The following LRRC3B variants were observed in gnomAD, a reference collection of about 807,000 sequenced individuals.
LRRC3B encodes the protein leucine rich repeat containing 3B, also known as leucine-rich repeat-containing protein 3B.
Under a neutral mutation model 12.8 loss-of-function variants are expected in LRRC3B, and 2 were observed. The observed-to-expected ratio is 0.16, with a 90% CI of 0.06 to 0.49. LRRC3B has a LOEUF of 0.49. Among genes scored for constraint, LRRC3B ranks in the 20% least tolerant of loss-of-function variants. The pLI is 0.96. For missense variants in LRRC3B, 189 were observed against 319.4 expected (o/e 0.59, Z 3.11); for synonymous variants, 132 against 122.0 (o/e 1.08, Z -0.54).
At chr3:26,678,366 T>G (rs1474905311) in intron 1 of LRRC3B, among the ~76,000 whole-genome samples, 1 of 152,046 alleles carries the variant, frequency 6.6e-6, no homozygotes, top group African/African-American at 2.4e-5. Flanking sequence ...TGGTGGCACA[T>G]GCCTGTAATC....
chr3:26,636,868 T>TC lies in LRRC3B; in HGVS notation c.-161+13633dup, dbSNP rs1559350125. On this transcript the variant is annotated intron_variant, in intron 1 of 1. Coordinates refer to ENST00000396641, the Ensembl canonical transcript of LRRC3B. Reference sequence around the variant, plus strand: ...TCCCTCCCTCCCTCCCTCCCTCCCTTCCTTCCTTCCTTCCTTCCTTTCTCT... The same window carrying TC: ...TCCCTCCCTCCCTCCCTCCCTCCCTTCCCTTCCTTCCTTCCTTCCTTTCTCT... 2.0e-3 allele frequency among the ~76,000 whole-genome samples: 132 copies of TC among 67,100 alleles called. 19 individuals are homozygous for TC. The highest frequency in any genetic ancestry group is 0.013 in the African/African-American group (124 of 9,236). 44.0% of individuals were successfully genotyped at this position (67,100 alleles called of 152,430 possible).
chr3:26,707,818 G>A (rs999312490), intron 1 of LRRC3B, among the ~76,000 whole-genome samples: 9 of 151,572 alleles, frequency 5.9e-5, no homozygotes, highest in African/African-American at 2.2e-4. Flanking sequence ...GAGTCCCCAA[G>A]TACCATGCAA....
chr3:26,636,232 C>T (rs964710405), intron 1 of LRRC3B, among the ~76,000 whole-genome samples: 2 of 150,568 alleles, frequency 1.3e-5, no homozygotes, highest in South Asian at 2.1e-4. Flanking sequence ...ATAAAGAAGT[C>T]CTTTAAAAAA....
chr3:26,623,570 CT>C (rs1049699418), intron 1 of LRRC3B: 2 of 152,798 alleles, frequency 1.3e-5, no homozygotes, highest in Non-Finnish European at 2.9e-5. Flanking sequence ...CCATATGCAT[CT>C]GCCCATTTCT....
chr3:26,704,608 C>A (rs1339602242), intron 1 of LRRC3B, among the ~76,000 whole-genome samples: 1 of 151,722 alleles, frequency 6.6e-6, no homozygotes, highest in Non-Finnish European at 1.5e-5. Context: ...CTATGTTGCC[C>A]TGTCTGAACT....
At chr3:26,683,373 A>G (rs1700009801) in intron 1 of LRRC3B, among the ~76,000 whole-genome samples, 1 of 152,244 alleles carries the variant, frequency 6.6e-6, no homozygotes, top group Non-Finnish European at 1.5e-5. Flanking sequence ...ATATTGGCAA[A>G]GCCAGATTTC....
At chr3:26,684,878 ATC>A (rs891197233) in intron 1 of LRRC3B, among the ~76,000 whole-genome samples, 5 of 152,228 alleles carry the variant, frequency 3.3e-5, no homozygotes, top group African/African-American at 1.2e-4. Context: ...CCAGTAGCAG[ATC>A]TCTGTTACTC....
intron 1 of LRRC3B, among the ~76,000 whole-genome samples, chr3:26,652,764 A>C (rs1212780477): frequency 1.3e-5 from 2 of 152,198 alleles, no homozygotes; most frequent in African/African-American, 4.8e-5. Flanking sequence ...TAAAAAGTAC[A>C]TAATTTTTTA....
chr3:26,704,564 C>G (rs1223135459), intron 1 of LRRC3B, among the ~76,000 whole-genome samples: 1 of 151,100 alleles, frequency 6.6e-6, no homozygotes, highest in Non-Finnish European at 1.5e-5. Flanking sequence ...TTTTTTTCTT[C>G]TTTTTATTTT....
intron 1 of LRRC3B, among the ~76,000 whole-genome samples, chr3:26,652,020 A>G (rs191396357): frequency 6.6e-6 from 1 of 152,288 alleles, no homozygotes; most frequent in Admixed American, 6.5e-5. Flanking sequence ...CCCAGGTCTA[A>G]CTGCAGAACC....
At chr3:26,708,627 G>A (rs891195298) in intron 1 of LRRC3B, among the ~76,000 whole-genome samples, 60 of 152,212 alleles carry the variant, frequency 3.9e-4, no homozygotes, top group African/African-American at 1.3e-3. Context: ...TCTTATCTCT[G>A]CTGTCGAGTA....
rs1306586292 is a variant in LRRC3B at position 26,709,547 on chromosome 3, CAT to C, written c.-125_-124del. 2 of 874,746 alleles carry C rather than the reference CAT, an allele frequency of 2.3e-6. No homozygotes were observed. The highest frequency in any genetic ancestry group is 3.6e-6 in the Non-Finnish European group (2 of 554,920). 54.2% of individuals were successfully genotyped at this position (874,746 alleles called of 1,614,324 possible). ...CAAGGAAAGAAATAATGAAGAGACA[CAT>C]GTGTTAGCTGCAGCCTTTTGAAACA... On this transcript the variant is annotated 5_prime_UTR_variant, in exon 2 of 2. An upstream start codon of the reference 5' UTR is lost. Coordinates refer to ENST00000396641, the Ensembl canonical transcript of LRRC3B.
At chr3:26,634,237 C>A (rs1698818022) in intron 1 of LRRC3B, among the ~76,000 whole-genome samples, 1 of 152,162 alleles carries the variant, frequency 6.6e-6, no homozygotes, top group African/African-American at 2.4e-5. Flanking sequence ...CTGTGAGGAG[C>A]TTTTTGGATG....
At chr3:26,709,545 C>A in exon 2 of LRRC3B, 1 of 862,508 alleles carries the variant, frequency 1.2e-6, no homozygotes, top group Non-Finnish European at 1.8e-6. Context: ...AATGAAGAGA[C>A]ACATGTGTTA....
In LRRC3B at chr3:26,650,793, G is replaced by C. The variant is rs573707275; in HGVS notation, c.-161+27556G>C. On this transcript the variant is annotated intron_variant, in intron 1 of 1. Coordinates refer to ENST00000396641, the Ensembl canonical transcript of LRRC3B. ...ATTAATTCAGAGAAGTCCCAGTTAT[G>C]TCCACTGACACAAGACTTCCGTTAT... Among the ~76,000 whole-genome samples the C allele has an allele frequency of 2.0e-5, 3 of 152,214 alleles. No homozygotes were observed. The East Asian group carries it at 5.8e-4, about 29-fold the overall frequency.
chr3:26,656,538 G>C (rs1327366188), intron 1 of LRRC3B, among the ~76,000 whole-genome samples: 1 of 152,190 alleles, frequency 6.6e-6, no homozygotes, highest in Non-Finnish European at 1.5e-5. Flanking sequence ...GAAAAGACAT[G>C]AATTTTTTGC....
At chr3:26,663,807 T>G (rs926629349) in intron 1 of LRRC3B, among the ~76,000 whole-genome samples, 1 of 152,164 alleles carries the variant, frequency 6.6e-6, no homozygotes, top group Non-Finnish European at 1.5e-5. Context: ...TCAGTTACCA[T>G]CTTGCCAGTT....
At chr3:26,673,004 T>C (rs1699782995) in intron 1 of LRRC3B, among the ~76,000 whole-genome samples, 1 of 152,220 alleles carries the variant, frequency 6.6e-6, no homozygotes, top group African/African-American at 2.4e-5. Context: ...CCAAAAATTT[T>C]ACTCCACTAG....
At chr3:26,636,410 G>C (rs1290951985) in intron 1 of LRRC3B, among the ~76,000 whole-genome samples, 1 of 152,096 alleles carries the variant, frequency 6.6e-6, no homozygotes, top group Non-Finnish European at 1.5e-5. Context: ...TATACTCCAT[G>C]GCTTTTGCCA....
Sources: allele counts gnomAD v4.1 joint callset (sites outside exome capture counted in the v4.1 genomes callset), GRCh38; gene constraint gnomAD v4.1.1; transcripts MANE v1.5; gene names NCBI Gene and HGNC (gene_info 2026-07-23, HGNC 2026-07-21).